The following FILIP1 variants were observed in gnomAD, a reference collection of about 807,000 sequenced individuals.
The protein encoded by FILIP1 is filamin A interacting protein 1, also known as filamin-A-interacting protein 1.
FILIP1 carries 61 observed loss-of-function variants against 102.1 expected under a neutral mutation model. That is an observed-to-expected ratio of 0.60 (90% confidence interval 0.49 to 0.74). FILIP1 has a LOEUF of 0.74. FILIP1 is among the 30% of genes least tolerant of loss of function. The pLI is 0.00. For missense variants in FILIP1, 1,314 were observed against 1,441.2 expected (o/e 0.91, Z 1.43); for synonymous variants, 491 against 526.9 (o/e 0.93, Z 0.93).
intron 2 of FILIP1, among the ~76,000 whole-genome samples, chr6:75,383,786 A>C (rs1775984259): frequency 6.6e-6 from 1 of 152,186 alleles, no homozygotes; most frequent in African/African-American, 2.4e-5. Context: ...CCATTTTGTA[A>C]ATGAGGGCTC....
intron 1 of FILIP1, among the ~76,000 whole-genome samples, chr6:75,490,667 A>G (rs897544308): frequency 1.4e-5 from 2 of 143,766 alleles, no homozygotes; most frequent in African/African-American, 2.5e-5. Flanking sequence ...GTGTGTGTGC[A>G]TGTGTGCATG....
chr6:75,361,374 G>A (rs966534877), intron 3 of FILIP1, among the ~76,000 whole-genome samples: 1 of 152,192 alleles, frequency 6.6e-6, no homozygotes. Flanking sequence ...AGGGTGGGGA[G>A]TGTCATCCCA....
intron 4 of FILIP1, among the ~76,000 whole-genome samples, chr6:75,348,819 C>T (rs1178506822): frequency 2.6e-5 from 4 of 152,162 alleles, no homozygotes; most frequent in African/African-American, 7.2e-5. Flanking sequence ...CTGCTCCTTC[C>T]GAGAGACCAC....
chr6:75,441,659 G>T (rs1258639030), intron 1 of FILIP1, among the ~76,000 whole-genome samples: 2 of 146,856 alleles, frequency 1.4e-5, no homozygotes, highest in Non-Finnish European at 3.0e-5. Context: ...CGGGCGGGGG[G>T]CTGACGCCCC....
chr6:75,492,668 C>T (rs969005437), intron 1 of FILIP1, among the ~76,000 whole-genome samples: 2 of 152,166 alleles, frequency 1.3e-5, no homozygotes, highest in Non-Finnish European at 2.9e-5. Flanking sequence ...CACATTCATA[C>T]ACACACACAT....
chr6:75,335,130 C>T (rs1228620328), intron 4 of FILIP1, among the ~76,000 whole-genome samples: 1 of 152,104 alleles, frequency 6.6e-6, no homozygotes, highest in African/African-American at 2.4e-5. Context: ...AATAGGGATC[C>T]CACTAGAGCC....
intron 2 of FILIP1, among the ~76,000 whole-genome samples, chr6:75,397,596 A>C (rs2149666414): frequency 6.6e-6 from 1 of 151,154 alleles, no homozygotes; most frequent in African/African-American, 2.4e-5. Context: ...ATATATATAT[A>C]TATATATAAT....
intron 6 of FILIP1, among the ~76,000 whole-genome samples, chr6:75,297,301 T>A (rs997810557): frequency 6.6e-6 from 1 of 152,200 alleles, no homozygotes; most frequent in African/African-American, 2.4e-5. Flanking sequence ...AGGTTCATAG[T>A]AATTACACAC....
intron 1 of FILIP1, among the ~76,000 whole-genome samples, chr6:75,476,434 T>C (rs1402924701): frequency 6.6e-6 from 1 of 152,128 alleles, no homozygotes. Flanking sequence ...GTTGAATCAG[T>C]TGTAAACTTC....
chr6:75,420,173 T>C (rs1014910350), intron 1 of FILIP1, among the ~76,000 whole-genome samples: 6 of 152,206 alleles, frequency 3.9e-5, no homozygotes, highest in African/African-American at 1.4e-4. Flanking sequence ...AATATCATAC[T>C]GTGGCAAATA....
At chr6:75,385,359 G>A (rs1776054513) in intron 2 of FILIP1, among the ~76,000 whole-genome samples, 1 of 152,118 alleles carries the variant, frequency 6.6e-6, no homozygotes, top group Non-Finnish European at 1.5e-5. Flanking sequence ...GCATTTGAAT[G>A]CTATTGGGCG....
At chr6:75,373,416 T>C (rs910742581) in intron 2 of FILIP1, among the ~76,000 whole-genome samples, 7 of 152,226 alleles carry the variant, frequency 4.6e-5, no homozygotes, top group African/African-American at 1.4e-4. Flanking sequence ...CACTTAAAGA[T>C]GGTTAAAATG....
At chr6:75,322,174 T>A (rs906095207) in intron 4 of FILIP1, among the ~76,000 whole-genome samples, 10 of 152,208 alleles carry the variant, frequency 6.6e-5, no homozygotes, top group African/African-American at 2.2e-4. Flanking sequence ...ATAGCATGTA[T>A]CTATTCACAA....
At chr6:75,397,471 T>C (rs1776501125) in intron 2 of FILIP1, among the ~76,000 whole-genome samples, 1 of 144,862 alleles carries the variant, frequency 6.9e-6, no homozygotes, top group African/African-American at 2.6e-5. Flanking sequence ...TTAAAAAAGT[T>C]TGCTAATTAA....
chr6:75,431,241 G>A (rs1362523970), intron 1 of FILIP1, among the ~76,000 whole-genome samples: 1 of 152,054 alleles, frequency 6.6e-6, no homozygotes, highest in Non-Finnish European at 1.5e-5. Context: ...TTTTAAGTTT[G>A]GCTACGTTCC....
chr6:75,415,017 C>T, intron 1 of FILIP1, 39 bp from the exon 2 acceptor site: 2 of 1,560,220 alleles, frequency 1.3e-6, no homozygotes, highest in Admixed American at 1.9e-5. Flanking sequence ...ATGTTCTTTA[C>T]CACCATCAAA....
At chr6:75,315,863 C>T (rs1001120613) in intron 4 of FILIP1, among the ~76,000 whole-genome samples, 3 of 152,164 alleles carry the variant, frequency 2.0e-5, no homozygotes, top group Non-Finnish European at 4.4e-5. Flanking sequence ...AAAGAAGCAG[C>T]TTTGGGTTTT....
chr6:75,465,360 C>T (rs1278332945), intron 1 of FILIP1: 4 of 439,948 alleles, frequency 9.1e-6, no homozygotes, highest in African/African-American at 8.4e-5. Flanking sequence ...CCAGAAGCAG[C>T]CCTTTTGTAA....
At chr6:75,396,103 C>CA (rs1776451780) in intron 2 of FILIP1, among the ~76,000 whole-genome samples, 1 of 151,444 alleles carries the variant, frequency 6.6e-6, no homozygotes, top group Non-Finnish European at 1.5e-5. Flanking sequence ...GAATACTCTC[C>CA]AATAAAAAGA....
Sources: gnomAD v4.1 joint callset for allele counts (sites outside exome capture counted in the v4.1 genomes callset) on GRCh38, gnomAD v4.1.1 for gene constraint, MANE v1.5 for transcripts, NCBI Gene and HGNC (gene_info 2026-07-23, HGNC 2026-07-21) for gene names.